Variants in POLN observed in about 807,000 individuals in gnomAD.
POLN encodes DNA polymerase N.
A neutral mutation model predicts 113.5 loss-of-function variants in POLN; 108 were observed. The observed-to-expected ratio is 0.95, with a 90% CI of 0.81 to 1.12. The LOEUF (loss-of-function observed/expected upper bound fraction) is 1.12. Among genes scored for constraint, POLN ranks in the 50% most tolerant of loss-of-function variants. The pLI is 0.00. For missense variants in POLN, 1,097 were observed against 1,077.1 expected (o/e 1.02, Z -0.26); for synonymous variants, 386 against 391.5 (o/e 0.99, Z 0.17).
intron 11 of POLN, among the ~76,000 whole-genome samples, chr4:2,172,750 T>A (rs1043064111): frequency 6.6e-6 from 1 of 151,172 alleles, no homozygotes; most frequent in African/African-American, 2.4e-5. Flanking sequence ...GGGAAGCCAT[T>A]GGGCATTATT....
At chr4:2,204,109 CAAAAAAAAAAAAAAAA>C (rs566255148) in intron 5 of POLN, among the ~76,000 whole-genome samples, 1 of 53,234 alleles carries the variant, frequency 1.9e-5, no homozygotes, top group Admixed American at 2.2e-4. Flanking sequence ...AACTCTATCA[CAAAAAAAAAAAAAAAA>C]AAAAAAAAAA....
At chr4:2,173,199 T>C (rs1732907589) in intron 11 of POLN, among the ~76,000 whole-genome samples, 1 of 152,198 alleles carries the variant, frequency 6.6e-6, no homozygotes, top group Admixed American at 6.5e-5. Flanking sequence ...CACAGGACTC[T>C]GGAAAGTCTG....
At chr4:2,154,752 T>A (rs1393398401) in intron 16 of POLN, among the ~76,000 whole-genome samples, 1 of 152,240 alleles carries the variant, frequency 6.6e-6, no homozygotes, top group East Asian at 1.9e-4. Flanking sequence ...AGTACAGGTA[T>A]GTTTATGGTA....
intron 6 of POLN, among the ~76,000 whole-genome samples, chr4:2,197,351 C>G (rs1733605529): frequency 6.6e-6 from 1 of 152,176 alleles, no homozygotes; most frequent in African/African-American, 2.4e-5. Flanking sequence ...TCTATCTACA[C>G]TTGAAGGCAG....
Position 2,242,059 on chromosome 4 carries a change from G to C in POLN, c.-292C>G, listed in dbSNP as rs1286021021. On this transcript the variant is annotated 5_prime_UTR_variant, in exon 1 of 26. Coordinates refer to ENST00000511885, the MANE Select transcript of POLN (RefSeq NM_181808.4). ...AGGCCCGCGTCAGTCACCTCAGGAAGTTCCGCTTGCTTCTCGCAGGAGCCC... is the reference window on the plus strand; with the variant it reads ...AGGCCCGCGTCAGTCACCTCAGGAACTTCCGCTTGCTTCTCGCAGGAGCCC... 9.1e-6 allele frequency: 9 copies of C among 985,644 alleles called. No individual in the cohort carries two copies. The highest frequency in any genetic ancestry group is 1.1e-5 in the Non-Finnish European group (9 of 830,176). The allele number at this position is 985,644 out of a possible 1,614,324, so 61.1% of individuals were successfully genotyped here.
intron 3 of POLN, among the ~76,000 whole-genome samples, chr4:2,223,812 T>TA (rs1734320720): frequency 6.6e-6 from 1 of 152,220 alleles, no homozygotes; most frequent in Admixed American, 6.5e-5. Flanking sequence ...ATAGGGCACT[T>TA]ACCATAAATG....
intron 2 of POLN, chr4:2,238,810 CTTTTG>C: frequency 2.5e-6 from 4 of 1,613,302 alleles, no homozygotes; most frequent in Non-Finnish European, 3.4e-6. Context: ...CAAATGATGC[CTTTTG>C]TTTTATTAAT....
At chr4:2,100,996 G>A (rs1212979032) in intron 19 of POLN, among the ~76,000 whole-genome samples, 1 of 151,804 alleles carries the variant, frequency 6.6e-6, no homozygotes, top group Admixed American at 6.6e-5. Context: ...GGGGCTCATG[G>A]GCCTTGGTGT....
chr4:2,117,534 C>T (rs1173290074), intron 19 of POLN, among the ~76,000 whole-genome samples: 1 of 152,098 alleles, frequency 6.6e-6, no homozygotes, highest in Non-Finnish European at 1.5e-5. Flanking sequence ...GATCTGGAGA[C>T]TAATGAACTA....
chr4:2,236,491 T>G (rs918086125), intron 2 of POLN: 1 of 1,432,066 alleles, frequency 7.0e-7, no homozygotes, highest in Admixed American at 1.7e-5. Context: ...AGGGAAAAAT[T>G]ATCAAGTCAG....
At chr4:2,110,856 C>T (rs1342969060) in intron 19 of POLN, among the ~76,000 whole-genome samples, 18 of 152,166 alleles carry the variant, frequency 1.2e-4, no homozygotes, top group East Asian at 1.9e-4. Flanking sequence ...TTCCAATCAA[C>T]AGAAAAAGAG....
At chr4:2,085,772 G>T in intron 20 of POLN, 28 bp from the exon 21 acceptor site, 1 of 1,611,610 alleles carries the variant, frequency 6.2e-7, no homozygotes. Context: ...GCATGTCAAA[G>T]CCTCACTCAC....
chr4:2,185,295 T>G (rs1181171053), intron 7 of POLN, among the ~76,000 whole-genome samples: 2 of 152,166 alleles, frequency 1.3e-5, no homozygotes, highest in Non-Finnish European at 2.9e-5. Flanking sequence ...AGAAGAGAGA[T>G]AACATATTAA....
At position 2,241,651 on chromosome 4, in the gene POLN, A is replaced by T. The variant is rs1019767416; in HGVS notation, c.-144T>A. On this transcript the variant is annotated 5_prime_UTR_variant, in exon 2 of 26. Transcript: ENST00000511885. ...GCCGGCCTTCAGCCAGCGCTGAGGC[A>T]GCCCCGACGCCAGGGCCGCGCGAAC... 1 of 985,472 alleles carries T rather than the reference A, an allele frequency of 1.0e-6. No individual in the cohort carries two copies. Among genetic ancestry groups the T allele is most frequent in the Non-Finnish European group, 1.2e-6 (1 of 829,930 alleles). The allele number at this position is 985,472 out of a possible 1,614,324, so 61.0% of individuals were successfully genotyped here.
chr4:2,209,663 T>G (rs952730382), intron 4 of POLN, among the ~76,000 whole-genome samples: 1 of 143,398 alleles, frequency 7.0e-6, no homozygotes, highest in East Asian at 2.0e-4. Context: ...TTTCCTTTTT[T>G]TTTTTTTTTT....
At chr4:2,199,294 A>C (rs980655782) in intron 5 of POLN, among the ~76,000 whole-genome samples, 1 of 152,192 alleles carries the variant, frequency 6.6e-6, no homozygotes, top group Admixed American at 6.5e-5. Flanking sequence ...AGACCTAAAT[A>C]ACGAAGACAT....
chr4:2,159,952 T>C (rs937343729), intron 13 of POLN, among the ~76,000 whole-genome samples: 8 of 152,236 alleles, frequency 5.3e-5, no homozygotes, highest in Non-Finnish European at 7.3e-5. Context: ...ACAGAGATTT[T>C]TGTTAATGTA....
Position 2,240,942 on chromosome 4 carries a change from C to G in POLN, c.-13+578G>C, listed in dbSNP as rs751903508. 8 of 1,591,558 alleles carry G rather than the reference C, an allele frequency of 5.0e-6. No individual in the cohort carries two copies. In the South Asian group the frequency reaches 9.0e-5, roughly 18 times the overall value. Reference sequence around the variant, plus strand: ...TGTTTCCACAAACTCATTTCCACAACTCATGGTTTTAACTACCCCAATTTT... The same window carrying G: ...TGTTTCCACAAACTCATTTCCACAAGTCATGGTTTTAACTACCCCAATTTT... On this transcript the variant is annotated intron_variant, in intron 2 of 25. Coordinates refer to ENST00000511885, the MANE Select transcript of POLN (RefSeq NM_181808.4).
chr4:2,087,982 T>G (rs3135060), intron 20 of POLN, among the ~76,000 whole-genome samples: 10 of 151,706 alleles, frequency 6.6e-5, no homozygotes, highest in African/African-American at 2.2e-4. Context: ...GTATGCCCAC[T>G]GTGCCTGGTT....
Sources: gnomAD v4.1 joint callset for allele counts (sites outside exome capture counted in the v4.1 genomes callset) on GRCh38, gnomAD v4.1.1 for gene constraint, MANE v1.5 for transcripts, NCBI Gene and HGNC (gene_info 2026-07-23, HGNC 2026-07-21) for gene names.